POFUT3: variants seen among roughly 807,000 people sequenced by gnomAD.
POFUT3 encodes the protein GDP-fucose protein O-fucosyltransferase 3.
the POFUT3 span, among the ~76,000 whole-genome samples, chr8:33,400,002 C>T: frequency 6.6e-6 from 1 of 151,552 alleles, no homozygotes; most frequent in African/African-American, 2.4e-5. Context: ...AAATGTGGAG[C>T]ATATATAGCT....
the POFUT3 span, among the ~76,000 whole-genome samples, chr8:33,417,254 A>G: frequency 6.6e-6 from 1 of 152,238 alleles, no homozygotes; most frequent in Non-Finnish European, 1.5e-5. Flanking sequence ...GGGACCGTCT[A>G]GTTGCAGGAA....
chr8:33,332,182 G>GAAA, the POFUT3 span, among the ~76,000 whole-genome samples: 2 of 99,978 alleles, frequency 2.0e-5, no homozygotes, highest in East Asian at 3.3e-4. Context: ...GGAGGAGGAG[G>GAAA]AAAAAAAAAA....
the POFUT3 span, among the ~76,000 whole-genome samples, chr8:33,329,620 G>T: frequency 6.6e-6 from 1 of 152,260 alleles, no homozygotes; most frequent in Non-Finnish European, 1.5e-5. Context: ...AGTGCTATAA[G>T]CAATGCCACA....
the POFUT3 span, among the ~76,000 whole-genome samples, chr8:33,431,370 G>T: frequency 4.4e-4 from 67 of 150,758 alleles, no homozygotes; most frequent in Admixed American, 4.0e-3. Context: ...AATATGGTGA[G>T]ACCCAGTGTC....
chr8:33,447,293 C>CA, the POFUT3 span, among the ~76,000 whole-genome samples: 5 of 151,968 alleles, frequency 3.3e-5, no homozygotes, highest in Non-Finnish European at 7.4e-5. Context: ...ACTAAAAATA[C>CA]AAAAAATTAG....
At chr8:33,376,022 G>GAA in the POFUT3 span, among the ~76,000 whole-genome samples, 960 of 124,576 alleles carry the variant, frequency 7.7e-3, 14 homozygotes, top group African/African-American at 0.023. Context: ...ATCTCAAAAA[G>GAA]AAAAAAAAAA....
chr8:33,408,043 G>T, the POFUT3 span, among the ~76,000 whole-genome samples: 4 of 150,992 alleles, frequency 2.6e-5, no homozygotes, highest in Admixed American at 2.6e-4. Context: ...ATAAAATCCG[G>T]CAGGGAACAA....
At chr8:33,317,862 G>A in the POFUT3 span, among the ~76,000 whole-genome samples, 7 of 152,016 alleles carry the variant, frequency 4.6e-5, no homozygotes, top group African/African-American at 1.7e-4. Context: ...TCCCCCATCA[G>A]GGCCCCAGGC....
the POFUT3 span, among the ~76,000 whole-genome samples, chr8:33,399,665 T>TA: frequency 3.9e-4 from 59 of 152,066 alleles, 2 homozygotes; most frequent in East Asian, 7.2e-3. Flanking sequence ...TTTATTTGTT[T>TA]TTTTTTTGAG....
the POFUT3 span, among the ~76,000 whole-genome samples, chr8:33,400,222 C>A: frequency 6.6e-5 from 10 of 150,438 alleles, no homozygotes; most frequent in Non-Finnish European, 1.3e-4. Flanking sequence ...GATACTGAGG[C>A]AGGCAGATCA....
the POFUT3 span, among the ~76,000 whole-genome samples, chr8:33,458,354 G>T: frequency 6.6e-6 from 1 of 152,124 alleles, no homozygotes; most frequent in African/African-American, 2.4e-5. Context: ...AGGATCCATG[G>T]CATGATTTTT....
At chr8:33,336,075 A>G in the POFUT3 span, among the ~76,000 whole-genome samples, 2 of 152,200 alleles carry the variant, frequency 1.3e-5, no homozygotes, top group African/African-American at 2.4e-5. Context: ...TATTTCTTCA[A>G]TTTCTGTGTT....
At chr8:33,433,090 C>T in the POFUT3 span, among the ~76,000 whole-genome samples, 3 of 151,734 alleles carry the variant, frequency 2.0e-5, no homozygotes, top group Non-Finnish European at 2.9e-5. Context: ...AAAAATTAGC[C>T]GGGCACGGTG....
the POFUT3 span, among the ~76,000 whole-genome samples, chr8:33,318,631 T>C: frequency 1.1e-5 from 1 of 89,748 alleles, no homozygotes; most frequent in African/African-American, 5.6e-5. Flanking sequence ...ATTTATATAA[T>C]ATATAAATAT....
chr8:33,405,330 C>T, the POFUT3 span, among the ~76,000 whole-genome samples: 1 of 152,170 alleles, frequency 6.6e-6, no homozygotes, highest in South Asian at 2.1e-4. Context: ...AAATTGATCA[C>T]AAAACCACTA....
the POFUT3 span, among the ~76,000 whole-genome samples, chr8:33,428,124 A>T: frequency 6.6e-6 from 1 of 152,308 alleles, no homozygotes; most frequent in East Asian, 1.9e-4. Flanking sequence ...CTCCGTCTCA[A>T]AAAGAAAAAA....
chr8:33,379,073 TCTCTCTCC>T, the POFUT3 span, among the ~76,000 whole-genome samples: 4 of 152,130 alleles, frequency 2.6e-5, no homozygotes, highest in East Asian at 5.8e-4. Flanking sequence ...GCATTTCCTC[TCTCTCTCC>T]CTCTCTCCCT....
At chr8:33,344,717 CCA>C in the POFUT3 span, among the ~76,000 whole-genome samples, 1 of 152,222 alleles carries the variant, frequency 6.6e-6, no homozygotes, top group South Asian at 2.1e-4. Flanking sequence ...TGCTTCAGAG[CCA>C]CAGAGTAGAC....
At chr8:33,361,293 T>C in the POFUT3 span, 1 of 152,126 alleles carries the variant, frequency 6.6e-6, no homozygotes, top group Non-Finnish European at 1.5e-5. Flanking sequence ...CAGAAAAAAA[T>C]GCCTCCTCTC....
Sources: allele counts gnomAD v4.1 joint callset (sites outside exome capture counted in the v4.1 genomes callset), GRCh38; gene constraint gnomAD v4.1.1; transcripts MANE v1.5; gene names NCBI Gene and HGNC (gene_info 2026-07-23, HGNC 2026-07-21).